Variants in GPD2 observed in about 807,000 individuals in gnomAD.
The protein encoded by GPD2 is glycerol-3-phosphate dehydrogenase, mitochondrial.
Under a neutral mutation model 82.4 loss-of-function variants are expected in GPD2, and 54 were observed. The ratio of observed to expected loss-of-function variants is 0.66; its 90% CI spans 0.53 to 0.82. The LOEUF is 0.82. Among genes scored for constraint, GPD2 ranks in the 40% least tolerant of loss-of-function variants. The probability of loss-of-function intolerance (pLI) is 0.00; values close to 1 mark genes in which losing one functional copy is unlikely to be tolerated. For synonymous variants in GPD2, 288 were observed against 306.1 expected, an observed-to-expected ratio of 0.94 and a Z score of 0.62; for missense variants, 748 against 896.2, an observed-to-expected ratio of 0.83 and a Z score of 2.11.
At chr2:156,559,548 A>T (rs116300894) in intron 9 of GPD2, among the ~76,000 whole-genome samples, 3,957 of 152,232 alleles carry the variant, frequency 0.026, 70 homozygotes, top group Non-Finnish European at 0.043. Flanking sequence ...TGGTTATGTG[A>T]TCACATTTGT....
chr2:156,513,462 G>A lies in GPD2; in HGVS notation c.627G>A (p.Lys209=). 1 of 1,612,954 alleles carries A rather than the reference G, an allele frequency of 6.2e-7. No individual in the cohort carries two copies. Among genetic ancestry groups the A allele is most frequent in the Non-Finnish European group, 8.5e-7 (1 of 1,179,470 alleles). The part of the protein sequence containing the change: ...RALEHFPMLQ[K]DKLVGAIVYY... The stretch of plus-strand genomic sequence containing the variant: ...TTGAACATTTCCCAATGCTCCAGAA[G>A]GACAAACTGGTAGGAGCAATTGTCT... Residue 209 remains lysine (K), a synonymous_variant, in exon 6 of 17, where the codon AAG becomes AAA. Transcript: ENST00000438166.
At position 156,451,331 on chromosome 2, in the gene GPD2, C is replaced by G. The variant is rs533518987; in HGVS notation, c.-9+14818C>G. 7.9e-5 allele frequency among the ~76,000 whole-genome samples: 12 copies of G among 151,006 alleles called. 1 individual carries two copies. The South Asian group carries it at 2.5e-3, about 32-fold the overall frequency. On this transcript the variant is annotated intron_variant, in intron 1 of 16. Transcript: ENST00000438166. ...CTCCTTTCCGGACAGGGCGGCTGGC[C>G]GGGCGGGGGTGCTCCTCACTTCCCA... is the stretch of plus-strand genomic sequence containing the variant.
rs566663985 is a variant in GPD2, at chr2:156,450,460, A to G, written c.-9+13947A>G. Among the ~76,000 whole-genome samples the G allele has an allele frequency of 3.3e-5, 5 of 152,300 alleles. No individual in the cohort carries two copies. The South Asian group carries it at 1.0e-3, about 32-fold the overall frequency. The stretch of plus-strand genomic sequence containing the variant: ...AGGAGTTGCCAGTGGGATGGGATGG[A>G]AAGCAGAAGAGCGTGGTGTCTCTGA... On this transcript the variant is annotated intron_variant, in intron 1 of 16. Transcript: ENST00000438166.
chr2:156,439,800 T>C (rs1167567909), intron 1 of GPD2, among the ~76,000 whole-genome samples: 1 of 151,762 alleles, frequency 6.6e-6, no homozygotes, highest in Non-Finnish European at 1.5e-5. Context: ...TGAGTCAAGA[T>C]TGTGCCATTG....
At chr2:156,470,988 G>C (rs1261375122) in intron 1 of GPD2, among the ~76,000 whole-genome samples, 1 of 152,198 alleles carries the variant, frequency 6.6e-6, no homozygotes, top group Non-Finnish European at 1.5e-5. Context: ...CATCTGTGCT[G>C]TTTTCTGAGT....
chr2:156,450,253 C>T (rs1192010343), intron 1 of GPD2, among the ~76,000 whole-genome samples: 1 of 152,062 alleles, frequency 6.6e-6, no homozygotes, highest in African/African-American at 2.4e-5. Flanking sequence ...ATTAGATATT[C>T]CTTTGGAGAT....
At chr2:156,561,068 G>A (rs1425793113) in intron 9 of GPD2, among the ~76,000 whole-genome samples, 2 of 9,780 alleles carry the variant, frequency 2.0e-4, no homozygotes, top group African/African-American at 3.0e-4. Context: ...TTTTTTTTGA[G>A]ATGGATTCTC....
At chr2:156,523,716 AGAT>A (rs1685503546) in intron 6 of GPD2, among the ~76,000 whole-genome samples, 3 of 150,528 alleles carry the variant, frequency 2.0e-5, no homozygotes, top group Non-Finnish European at 4.4e-5. Context: ...ATAGATAGAT[AGAT>A]ATTTTATGGA....
chr2:156,414,305 A>G, the GPD2 span, among the ~76,000 whole-genome samples: 58 of 152,374 alleles, frequency 3.8e-4, no homozygotes, highest in African/African-American at 1.4e-3. Flanking sequence ...TAAATAACGT[A>G]TAAGTGACTA....
intron 1 of GPD2, among the ~76,000 whole-genome samples, chr2:156,460,194 G>A (rs898954574): frequency 3.3e-5 from 5 of 152,198 alleles, no homozygotes; most frequent in Non-Finnish European, 5.9e-5. Flanking sequence ...AATTGCTAAT[G>A]TACTCTGCTG....
rs1688123747 is a variant in GPD2, at chr2:156,583,974, T to G, written c.*1056T>G. 6.6e-6 allele frequency: 1 copy of G among 152,078 alleles called. No homozygotes were observed. Among genetic ancestry groups the G allele is most frequent in the Admixed American group, 6.6e-5 (1 of 15,230 alleles). The allele number at this position is 152,078 out of a possible 1,614,324, so 9.4% of individuals were successfully genotyped here. ...AGATGGAATAGACTTTAGTTAACTTTAATTATAATTATATGTTAAATAAGG... is the reference window on the plus strand; with the variant it reads ...AGATGGAATAGACTTTAGTTAACTTGAATTATAATTATATGTTAAATAAGG... On this transcript the variant is annotated 3_prime_UTR_variant, in exon 17 of 17. Coordinates refer to ENST00000438166, the MANE Select transcript of GPD2 (RefSeq NM_000408.5).
chr2:156,439,858 A>AAAT (rs1682105059), intron 1 of GPD2, among the ~76,000 whole-genome samples: 1 of 151,412 alleles, frequency 6.6e-6, no homozygotes, highest in Admixed American at 6.6e-5. Flanking sequence ...AAAAATAAAT[A>AAAT]AATAAATAAA....
intron 9 of GPD2, among the ~76,000 whole-genome samples, chr2:156,563,741 G>A (rs1055938538): frequency 6.6e-6 from 1 of 152,140 alleles, no homozygotes; most frequent in Non-Finnish European, 1.5e-5. Flanking sequence ...TGTAGGCAAG[G>A]TGGCCAGTAG....
Position 156,583,058 on chromosome 2 carries a change from A to G in GPD2, c.*140A>G, listed in dbSNP as rs1688087276. The G allele has an allele frequency of 1.1e-6, 1 of 890,300 alleles. No individual in the cohort carries two copies. The highest frequency in any genetic ancestry group is 1.6e-5 in the African/African-American group (1 of 60,718). The allele number at this position is 890,300 out of a possible 1,614,324, so 55.2% of individuals were successfully genotyped here. ...CACTAGAAAACATTCCAAAACTTTA[A>G]GGTGTTGGTGTATTTGCCAGCTTTA... On this transcript the variant is annotated 3_prime_UTR_variant, in exon 17 of 17. Coordinates refer to ENST00000438166, the MANE Select transcript of GPD2 (RefSeq NM_000408.5).
chr2:156,582,709 G>C, intron 16 of GPD2, 84 bp from the exon 17 acceptor site: 1 of 1,437,492 alleles, frequency 7.0e-7, no homozygotes, highest in Non-Finnish European at 9.8e-7. Context: ...ACCTCTGTCT[G>C]CTGCAATTCT....
At chr2:156,478,477 G>A (rs964538819) in intron 2 of GPD2, among the ~76,000 whole-genome samples, 12 of 152,104 alleles carry the variant, frequency 7.9e-5, no homozygotes, top group African/African-American at 2.9e-4. Context: ...GGTAGCAGGT[G>A]CGATGTAGCC....
upstream of GPD2, among the ~76,000 whole-genome samples, chr2:156,432,710 T>C (rs1688331407): frequency 6.6e-6 from 1 of 152,252 alleles, no homozygotes; most frequent in Admixed American, 6.5e-5. Context: ...GAAAATTATC[T>C]ACTATACAAC....
At chr2:156,420,687 C>A in the GPD2 span, among the ~76,000 whole-genome samples, 1 of 152,164 alleles carries the variant, frequency 6.6e-6, no homozygotes, top group African/African-American at 2.4e-5. Flanking sequence ...TTTTTTGCTG[C>A]AACCTCCTAT....
At position 156,556,656 on chromosome 2, in the gene GPD2, T is replaced by G. The variant is rs544871618; in HGVS notation, c.972-733T>G. Among the ~76,000 whole-genome samples, 3 of 152,346 alleles carry G rather than the reference T, an allele frequency of 2.0e-5. No individual in the cohort carries two copies. In the East Asian group the frequency reaches 5.8e-4, roughly 29 times the overall value. ...ACCTTGATTTAACATAGTACACTAC[T>G]AGTGTCTTTTATGTAAAAGATTTTC... is the stretch of plus-strand genomic sequence containing the variant. On this transcript the variant is annotated intron_variant, in intron 8 of 16. Transcript: ENST00000438166.
Sources: allele counts gnomAD v4.1 joint callset (sites outside exome capture counted in the v4.1 genomes callset), GRCh38; gene constraint gnomAD v4.1.1; transcripts MANE v1.5; gene names NCBI Gene and HGNC (gene_info 2026-07-23, HGNC 2026-07-21).